Variants in TBCD observed in about 807,000 individuals in gnomAD.
The protein encoded by TBCD is tubulin-specific chaperone D.
In TBCD, 105 loss-of-function variants were observed where a neutral mutation model predicts 169.3. That is an observed-to-expected ratio of 0.62 (90% confidence interval 0.53 to 0.73). The LOEUF is 0.73. TBCD is among the 30% of genes least tolerant of loss of function. The pLI, the probability that TBCD is intolerant of heterozygous loss-of-function variation, is 0.00. For missense variants in TBCD, 1,444 were observed against 1,600.1 expected (o/e 0.90, Z 1.66); for synonymous variants, 700 against 643.9 (o/e 1.09, Z -1.32).
chr17:82,800,733 T>C, intron 8 of TBCD, 131 bp from the exon 9 acceptor site: 1 of 1,102,976 alleles, frequency 9.1e-7, no homozygotes, highest in East Asian at 2.8e-5. Flanking sequence ...TGATTTGGGA[T>C]GATGGGGGTC....
intron 15 of TBCD, among the ~76,000 whole-genome samples, chr17:82,887,743 C>T (rs770630256): frequency 9.9e-5 from 15 of 152,194 alleles, no homozygotes; most frequent in Non-Finnish European, 1.8e-4. Context: ...TCTCTGTCCT[C>T]GCTTGTGTCT....
At chr17:82,938,600 C>T (rs554158520) in intron 36 of TBCD, among the ~76,000 whole-genome samples, 7 of 152,330 alleles carry the variant, frequency 4.6e-5, no homozygotes, top group South Asian at 2.1e-4. Context: ...AGTGGGGTGC[C>T]GGACCCTCAG....
chr17:82,757,883 T>C (rs2047486621), intron 2 of TBCD, among the ~76,000 whole-genome samples: 1 of 152,082 alleles, frequency 6.6e-6, no homozygotes, highest in Non-Finnish European at 1.5e-5. Flanking sequence ...TTCCTGTGTG[T>C]GAGCGCTGGT....
chr17:82,907,275 G>T (rs780271400), intron 20 of TBCD, among the ~76,000 whole-genome samples: 17 of 152,232 alleles, frequency 1.1e-4, no homozygotes, highest in Non-Finnish European at 2.2e-4. Flanking sequence ...ATGAGCTGTC[G>T]TCTCAGCCTC....
intron 6 of TBCD, among the ~76,000 whole-genome samples, chr17:82,773,280 G>A (rs906830007): frequency 6.6e-6 from 1 of 152,164 alleles, no homozygotes; most frequent in Non-Finnish European, 1.5e-5. Flanking sequence ...CCAGAGAAGT[G>A]GGAGGAGAGA....
chr17:82,812,072 A>G (rs2051481353), intron 12 of TBCD, among the ~76,000 whole-genome samples: 1 of 151,756 alleles, frequency 6.6e-6, no homozygotes, highest in African/African-American at 2.4e-5. Context: ...CCTGACTCCC[A>G]TCACCAGCCC....
At chr17:82,821,321 A>T (rs1376780589) in intron 13 of TBCD, among the ~76,000 whole-genome samples, 2 of 100,634 alleles carry the variant, frequency 2.0e-5, no homozygotes, top group Non-Finnish European at 4.3e-5. Flanking sequence ...CTTTGTCCAC[A>T]GTTTTCTTGA....
rs985529067 is a variant in TBCD, at chr17:82,930,174, A to C, written c.2992-348A>C. On this transcript the variant is annotated intron_variant, in intron 32 of 38. Coordinates refer to ENST00000355528, the MANE Select transcript of TBCD (RefSeq NM_005993.5). The surrounding 1 kb of genome is among the most constrained non-coding windows in gnomAD (Gnocchi z 5.2). ...GGCCACATGCGAGCGGGGCCCCGAG[A>C]CATTCTGCACTCGGGAATTGCGGGG... The C allele has an allele frequency of 6.3e-6, 2 of 315,734 alleles. No individual in the cohort carries two copies. The highest frequency in any genetic ancestry group is 4.4e-5 in the African/African-American group (2 of 45,844). The allele number at this position is 315,734 out of a possible 1,614,324, so 19.6% of individuals were successfully genotyped here.
Position 82,832,468 on chromosome 17 carries a change from C to T in TBCD, c.1318+17534C>T, listed in dbSNP as rs1304108613. On this transcript the variant is annotated intron_variant, in intron 13 of 38. Transcript: ENST00000355528. The surrounding 1 kb of genome is among the most constrained non-coding windows in gnomAD (Gnocchi z 4.9). ...GAGGAGACTCATTTTCCTCCTTATG[C>T]CTTGGACTCTGGCTGTCCAGGTGGC... 6 of 1,605,440 alleles carry T rather than the reference C, an allele frequency of 3.7e-6. No homozygotes were observed. The South Asian group carries it at 6.6e-5, about 18-fold the overall frequency.
chr17:82,815,995 C>T (rs2051863854), intron 13 of TBCD, among the ~76,000 whole-genome samples: 1 of 152,102 alleles, frequency 6.6e-6, no homozygotes, highest in Non-Finnish European at 1.5e-5. Context: ...GCAACTATTG[C>T]CATAATTTAA....
At chr17:82,840,505 A>G (rs1295291848) in intron 13 of TBCD, 2 of 152,036 alleles carry the variant, frequency 1.3e-5, no homozygotes, top group East Asian at 3.9e-4. Context: ...TGGACCTTCC[A>G]CCCTCTACCC....
intron 16 of TBCD, 92 bp from the exon 17 acceptor site, chr17:82,893,455 T>C (rs2059283598): frequency 9.7e-7 from 1 of 1,033,268 alleles, no homozygotes; most frequent in Admixed American, 2.3e-5. Flanking sequence ...GGTTCATGAG[T>C]GTAAATGTCT....
intron 17 of TBCD, 35 bp from the exon 18 acceptor site, chr17:82,900,616 C>T (rs760183224): frequency 6.4e-6 from 10 of 1,569,198 alleles, no homozygotes; most frequent in East Asian, 2.2e-5. Flanking sequence ...CTCGTTCTTC[C>T]GCGTCTCACC....
chr17:82,853,068 C>T (rs1158116900), intron 13 of TBCD, among the ~76,000 whole-genome samples: 3 of 152,128 alleles, frequency 2.0e-5, no homozygotes, highest in African/African-American at 7.2e-5. Flanking sequence ...CTTTCTCTCT[C>T]TCTTTTTTTT....
At chr17:82,848,200 C>T (rs909263733) in intron 13 of TBCD, among the ~76,000 whole-genome samples, 6 of 152,152 alleles carry the variant, frequency 3.9e-5, no homozygotes, top group Non-Finnish European at 5.9e-5. Context: ...TCGCCCTGAG[C>T]GGCCTCGGAA....
At chr17:82,834,455 G>C (rs914042117) in intron 13 of TBCD, among the ~76,000 whole-genome samples, 2 of 152,174 alleles carry the variant, frequency 1.3e-5, no homozygotes, top group Non-Finnish European at 2.9e-5. Flanking sequence ...TAAAAATAAA[G>C]TTAAATGACC....
At chr17:82,815,780 C>T (rs1212669357) in intron 13 of TBCD, among the ~76,000 whole-genome samples, 33 of 152,050 alleles carry the variant, frequency 2.2e-4, no homozygotes, top group Admixed American at 2.1e-3. Context: ...GCTGTGGTGG[C>T]GTCTGAAGTG....
chr17:82,866,390 C>T (rs574961454), intron 13 of TBCD, among the ~76,000 whole-genome samples: 1 of 152,380 alleles, frequency 6.6e-6, no homozygotes, highest in South Asian at 2.1e-4. Context: ...GATCATCTCA[C>T]ACCCTCTCAA....
intron 13 of TBCD, among the ~76,000 whole-genome samples, chr17:82,844,126 T>A (rs1170927854): frequency 6.6e-6 from 1 of 152,090 alleles, no homozygotes; most frequent in Non-Finnish European, 1.5e-5. Flanking sequence ...ATGCAGTACT[T>A]TCAGTAGCTT....
Sources: gnomAD v4.1 joint callset for allele counts (sites outside exome capture counted in the v4.1 genomes callset) on GRCh38, gnomAD v4.1.1 for gene constraint, Gnocchi (gnomAD v3.1) non-coding constraint, MANE v1.5 for transcripts, NCBI Gene and HGNC (gene_info 2026-07-23, HGNC 2026-07-21) for gene names.